VPS37A: variants seen among roughly 807,000 people sequenced by gnomAD.
VPS37A encodes the protein VPS37A subunit of ESCRT-I, also known as vacuolar protein sorting-associated protein 37A.
In VPS37A, 30 loss-of-function variants were observed where a neutral mutation model predicts 49.8. The ratio of observed to expected loss-of-function variants is 0.60; its 90% CI spans 0.45 to 0.82. VPS37A has a LOEUF of 0.82. Among genes scored for constraint, VPS37A ranks in the 40% least tolerant of loss-of-function variants. The probability of loss-of-function intolerance (pLI) is 0.00; values close to 1 mark genes in which losing one functional copy is unlikely to be tolerated. For synonymous variants in VPS37A, 195 were observed against 160.6 expected (o/e 1.21, Z -1.62); for missense variants, 593 against 464.4 (o/e 1.28, Z -2.55).
At chr8:17,249,021 A>T (rs529780213) in intron 1 of VPS37A, among the ~76,000 whole-genome samples, 1 of 152,236 alleles carries the variant, frequency 6.6e-6, no homozygotes, top group African/African-American at 2.4e-5. Flanking sequence ...TTGGTAGACT[A>T]TATACCAAAC....
At chr8:17,291,225 C>T (rs1816119181) in intron 11 of VPS37A, among the ~76,000 whole-genome samples, 1 of 152,066 alleles carries the variant, frequency 6.6e-6, no homozygotes, top group African/African-American at 2.4e-5. Context: ...GTTGGCCAGG[C>T]TAGTCTTGAA....
At chr8:17,324,827 G>A in the VPS37A span, among the ~76,000 whole-genome samples, 1 of 152,092 alleles carries the variant, frequency 6.6e-6, no homozygotes, top group African/African-American at 2.4e-5. Flanking sequence ...GTTATTATTG[G>A]TTATCTCCTC....
the VPS37A span, among the ~76,000 whole-genome samples, chr8:17,327,613 G>A: frequency 1.4e-5 from 2 of 145,550 alleles, no homozygotes; most frequent in South Asian, 2.1e-4. Flanking sequence ...ACGTATTTTG[G>A]ATTAGTCCCT....
chr8:17,322,469 C>T, the VPS37A span, among the ~76,000 whole-genome samples: 4 of 152,228 alleles, frequency 2.6e-5, no homozygotes, highest in South Asian at 8.3e-4. Flanking sequence ...CTAGGTTTAA[C>T]ACGTGGTAAG....
chr8:17,326,658 G>A, the VPS37A span: 1 of 152,244 alleles, frequency 6.6e-6, no homozygotes, highest in African/African-American at 2.4e-5. Context: ...GAAGAAACAG[G>A]CTGCCATGCT....
the VPS37A span, among the ~76,000 whole-genome samples, chr8:17,322,062 A>G: frequency 1.3e-5 from 2 of 152,120 alleles, no homozygotes; most frequent in South Asian, 2.1e-4. Context: ...TCTTTCTTGT[A>G]CCCTGAGATC....
At position 17,274,863 on chromosome 8, in the gene VPS37A, A is replaced by T; in HGVS notation, c.547A>T (p.Thr183Ser). 1 of 1,614,084 alleles carries T rather than the reference A, an allele frequency of 6.2e-7. No homozygotes were observed. Among genetic ancestry groups the T allele is most frequent in the Non-Finnish European group, 8.5e-7 (1 of 1,179,976 alleles). Residue 183 changes from threonine (T) to serine (S), a missense_variant, in exon 5 of 12, where the codon ACA (threonine) becomes TCA (serine). By Grantham distance (58) the Thr-to-Ser change is moderately conservative. Coordinates refer to ENST00000324849, the MANE Select transcript of VPS37A (RefSeq NM_152415.3). ...TGTTGCTGACACTGTTTCTTCTTCA[A>T]CAACAAGTCATACCACAGCCAAGCC... ...LSVADTVSSS[T>S]TSHTTAKPAA...
the VPS37A span, chr8:17,331,391 G>A: frequency 5.9e-6 from 7 of 1,184,620 alleles, no homozygotes; most frequent in South Asian, 3.2e-5. Context: ...AATGATGTAC[G>A]GAAACATAAT....
chr8:17,274,644 T>G, intron 4 of VPS37A, 89 bp from the exon 5 acceptor site: 1 of 1,008,234 alleles, frequency 9.9e-7, no homozygotes, highest in South Asian at 1.6e-5. Flanking sequence ...ATATAGTACT[T>G]GACCTTTGTT....
chr8:17,247,396 A>T (rs1224516773), intron 1 of VPS37A, 27 bp downstream of exon 1: 3 of 621,152 alleles, frequency 4.8e-6, no homozygotes, highest in Admixed American at 3.2e-5. Flanking sequence ...TCTCCACCGG[A>T]GGAAAAAGTA....
Position 17,297,959 on chromosome 8 carries a change from C to A in VPS37A, c.*2973C>A, listed in dbSNP as rs1207226359. ...TGGAAGTTGTCATATTAAAAAACTA[C>A]ATTTTAAAACATCAAATATTTATAC... On this transcript the variant is annotated 3_prime_UTR_variant, in exon 12 of 12. Transcript: ENST00000324849. 1 of 152,016 alleles carries A rather than the reference C, an allele frequency of 6.6e-6. No individual in the cohort carries two copies. The highest frequency in any genetic ancestry group is 1.5e-5 in the Non-Finnish European group (1 of 67,902). 9.4% of individuals were successfully genotyped at this position (152,016 alleles called of 1,614,324 possible).
At chr8:17,300,510 A>C (rs1817043648), downstream of VPS37A, among the ~76,000 whole-genome samples, 1 of 152,186 alleles carries the variant, frequency 6.6e-6, no homozygotes, top group Non-Finnish European at 1.5e-5. Context: ...CCTCTTTTCT[A>C]TACCTACATG....
At position 17,287,627 on chromosome 8, in the gene VPS37A, G is replaced by A. The variant is rs143724738; in HGVS notation, c.*1200G>A. On this transcript the variant is annotated intron_variant, in intron 11 of 11. Coordinates refer to ENST00000324849, the MANE Select transcript of VPS37A (RefSeq NM_152415.3). ...TGGGAGGCAGACCTTGCAGTGAGCCGAGATCACGCCACTGCACTCCAACCT... is the reference window on the plus strand; with the variant it reads ...TGGGAGGCAGACCTTGCAGTGAGCCAAGATCACGCCACTGCACTCCAACCT... Among the ~76,000 whole-genome samples the A allele has an allele frequency of 6.9e-3, 1,046 of 151,820 alleles. 9 individuals are homozygous for A. The highest frequency in any genetic ancestry group is 0.041 in the Middle Eastern group (12 of 294).
At chr8:17,308,473 C>A in the VPS37A span, among the ~76,000 whole-genome samples, 1 of 152,006 alleles carries the variant, frequency 6.6e-6, no homozygotes, top group Non-Finnish European at 1.5e-5. Context: ...ATGCTAAAAG[C>A]AAAAAACTAC....
chr8:17,261,350 T>G (rs1812944515), intron 1 of VPS37A, among the ~76,000 whole-genome samples: 1 of 152,222 alleles, frequency 6.6e-6, no homozygotes, highest in African/African-American at 2.4e-5. Context: ...TTTGTTAAAT[T>G]TCTCTGATAA....
chr8:17,290,650 G>T (rs1816056026), intron 11 of VPS37A, among the ~76,000 whole-genome samples: 1 of 152,144 alleles, frequency 6.6e-6, no homozygotes, highest in Non-Finnish European at 1.5e-5. Context: ...TTTTGTTGTT[G>T]TGTCTTAGCC....
At chr8:17,304,410 G>C (rs1563314853), downstream of VPS37A, 7 of 1,614,068 alleles carry the variant, frequency 4.3e-6, no homozygotes, top group East Asian at 1.6e-4. Flanking sequence ...GTTGTAGGGA[G>C]ATGAAGGGTT....
intron 6 of VPS37A, among the ~76,000 whole-genome samples, chr8:17,278,231 T>C (rs1285280755): frequency 2.6e-5 from 4 of 152,012 alleles, no homozygotes; most frequent in Admixed American, 6.6e-5. Context: ...CTGGTTGCCC[T>C]TTTTTTAGTG....
At chr8:17,331,068 T>G in the VPS37A span, 16 of 1,500,252 alleles carry the variant, frequency 1.1e-5, no homozygotes, top group East Asian at 3.8e-4. Flanking sequence ...TAAAAACATT[T>G]TAAAATCAAG....
Sources: gnomAD v4.1 joint callset for allele counts (sites outside exome capture counted in the v4.1 genomes callset) on GRCh38, gnomAD v4.1.1 for gene constraint, MANE v1.5 for transcripts, NCBI Gene and HGNC (gene_info 2026-07-23, HGNC 2026-07-21) for gene names.